The following TRPM3 variants were observed in gnomAD, a reference collection of about 807,000 sequenced individuals.
TRPM3 encodes the protein transient receptor potential cation channel subfamily M member 3, also known as long transient receptor potential channel 3.
TRPM3 carries 77 observed loss-of-function variants against 181.2 expected under a neutral mutation model. The observed-to-expected ratio is 0.42, with a 90% CI of 0.35 to 0.51. The LOEUF (loss-of-function observed/expected upper bound fraction) is 0.51. TRPM3 is among the 20% of genes least tolerant of loss of function. TRPM3 has a pLI of 0.01. For missense variants in TRPM3, 1,759 were observed against 2,196.7 expected (o/e 0.80, Z 3.98); for synonymous variants, 745 against 796.4 (o/e 0.94, Z 1.09).
At chr9:70,895,527 C>T (rs1185711579) in intron 1 of TRPM3, among the ~76,000 whole-genome samples, 2 of 152,124 alleles carry the variant, frequency 1.3e-5, no homozygotes, top group Admixed American at 6.6e-5. Flanking sequence ...TATGATAACT[C>T]CCATATTTTA....
intron 1 of TRPM3, among the ~76,000 whole-genome samples, chr9:71,412,035 G>T (rs1336217327): frequency 6.6e-6 from 1 of 152,152 alleles, no homozygotes; most frequent in African/African-American, 2.4e-5. Flanking sequence ...TGGGAAAACA[G>T]GCTAGCCATA....
chr9:71,420,535 A>AAGAAAGAAAAAGAGAAAGAAAG (rs960061356), intron 1 of TRPM3, among the ~76,000 whole-genome samples: 50 of 151,488 alleles, frequency 3.3e-4, no homozygotes, highest in Non-Finnish European at 5.5e-4. Flanking sequence ...AAGAGAAAGA[A>AAGAAAGAAAAAGAGAAAGAAAG]AGAAAGAAAA....
intron 22 of TRPM3, among the ~76,000 whole-genome samples, chr9:70,588,872 A>G (rs117664290): frequency 0.019 from 2,879 of 152,306 alleles, 53 homozygotes; most frequent in Non-Finnish European, 0.028. Flanking sequence ...CCTTGGCCAA[A>G]TGTCATGACA....
At chr9:70,627,253 A>G (rs2211177) in intron 12 of TRPM3, among the ~76,000 whole-genome samples, 59,021 of 142,198 alleles carry the variant, frequency 0.42, 12,151 homozygotes, top group Middle Eastern at 0.44. Flanking sequence ...GGCATATAAG[A>G]CTCCATTGCT....
intron 12 of TRPM3, among the ~76,000 whole-genome samples, chr9:70,628,582 G>T (rs1229559528): frequency 6.6e-6 from 1 of 152,062 alleles, no homozygotes. Flanking sequence ...AGCACTTTGG[G>T]AGGCCAAGGT....
At chr9:71,090,779 T>C (rs1003174589) in intron 1 of TRPM3, among the ~76,000 whole-genome samples, 5 of 152,134 alleles carry the variant, frequency 3.3e-5, no homozygotes, top group Non-Finnish European at 5.9e-5. Flanking sequence ...ATTTGTAAAA[T>C]AAGAATAATG....
intron 1 of TRPM3, among the ~76,000 whole-genome samples, chr9:71,433,025 G>A (rs936791670): frequency 2.6e-5 from 4 of 152,100 alleles, no homozygotes; most frequent in Admixed American, 2.6e-4. Context: ...AAAGATAAAG[G>A]GAAAAGCGTC....
rs1208681470 is a variant in TRPM3, at chr9:71,036,051, T to G, written c.177+85127A>C. ...TGTAGTAAGAAAAGAAACATTATCA[T>G]CAGCCCTAACTTTATGATCTGGAAA... is the stretch of plus-strand genomic sequence containing the variant. On this transcript the variant is annotated intron_variant, in intron 1 of 25. Transcript: ENST00000677713. Among the ~76,000 whole-genome samples, 7 of 148,004 alleles carry G rather than the reference T, an allele frequency of 4.7e-5. No individual in the cohort carries two copies. The South Asian group carries it at 1.6e-3, about 33-fold the overall frequency.
At chr9:70,894,553 A>G (rs1383130650) in intron 1 of TRPM3, among the ~76,000 whole-genome samples, 11 of 152,162 alleles carry the variant, frequency 7.2e-5, no homozygotes, top group Non-Finnish European at 1.3e-4. Flanking sequence ...TGTACCAGGC[A>G]CTGCTTTAGG....
At chr9:71,212,087 C>A (rs1391956403) in intron 1 of TRPM3, among the ~76,000 whole-genome samples, 2 of 152,110 alleles carry the variant, frequency 1.3e-5, no homozygotes, top group African/African-American at 4.8e-5. Context: ...TCAGCCTGAA[C>A]AGAGCTGATT....
intron 1 of TRPM3, among the ~76,000 whole-genome samples, chr9:71,371,752 C>T (rs928865641): frequency 8.5e-5 from 13 of 152,176 alleles, no homozygotes; most frequent in African/African-American, 3.1e-4. Context: ...GGGTAGAATG[C>T]TATCTAACAG....
At chr9:71,215,372 A>G (rs1504396) in intron 1 of TRPM3, among the ~76,000 whole-genome samples, 1 of 151,930 alleles carries the variant, frequency 6.6e-6, no homozygotes, top group Non-Finnish European at 1.5e-5. Flanking sequence ...CATTCCTGGT[A>G]GCCCTATCAC....
intron 5 of TRPM3, among the ~76,000 whole-genome samples, chr9:70,842,494 T>C (rs980964703): frequency 5.9e-5 from 9 of 152,106 alleles, no homozygotes; most frequent in Non-Finnish European, 1.2e-4. Flanking sequence ...TCGCCACTTT[T>C]AAAAAAAATT....
intron 1 of TRPM3, among the ~76,000 whole-genome samples, chr9:71,201,033 A>G (rs1024191391): frequency 6.6e-6 from 1 of 152,062 alleles, no homozygotes; most frequent in African/African-American, 2.4e-5. Context: ...TTCCATGTTT[A>G]GTGCTTCCTT....
intron 6 of TRPM3, among the ~76,000 whole-genome samples, chr9:70,800,165 G>GA (rs770675075): frequency 1.3e-5 from 2 of 151,752 alleles, no homozygotes; most frequent in African/African-American, 2.4e-5. Context: ...GTCTTAGAAA[G>GA]AAAAAACAAC....
intron 1 of TRPM3, among the ~76,000 whole-genome samples, chr9:71,053,856 A>C (rs2060346755): frequency 6.6e-6 from 1 of 152,076 alleles, no homozygotes; most frequent in South Asian, 2.1e-4. Context: ...TTACTGGCCA[A>C]CTATCACAAA....
intron 8 of TRPM3, among the ~76,000 whole-genome samples, chr9:70,699,186 A>C (rs2071586109): frequency 6.6e-6 from 1 of 152,216 alleles, no homozygotes; most frequent in Admixed American, 6.5e-5. Flanking sequence ...AAATATCACC[A>C]AAATCAAGAA....
intron 1 of TRPM3, among the ~76,000 whole-genome samples, chr9:71,271,054 T>C (rs1273500674): frequency 3.9e-5 from 6 of 152,174 alleles, no homozygotes; most frequent in Non-Finnish European, 5.9e-5. Context: ...AAGTCATTAT[T>C]TCTGTCTGAC....
chr9:71,217,270 A>T (rs958875313), intron 1 of TRPM3, among the ~76,000 whole-genome samples: 4 of 152,062 alleles, frequency 2.6e-5, no homozygotes, highest in Non-Finnish European at 5.9e-5. Flanking sequence ...TTCTTAAAAC[A>T]TTCTCTCTCC....
Sources: allele counts gnomAD v4.1 joint callset (sites outside exome capture counted in the v4.1 genomes callset), GRCh38; gene constraint gnomAD v4.1.1; transcripts MANE v1.5; gene names NCBI Gene and HGNC (gene_info 2026-07-23, HGNC 2026-07-21).